The following ATP10B variants were observed in gnomAD, a reference collection of about 807,000 sequenced individuals.
ATP10B encodes the protein phospholipid-transporting ATPase VB.
In ATP10B, 122 loss-of-function variants were observed where a neutral mutation model predicts 141.2. That is an observed-to-expected ratio of 0.86 (90% CI 0.75 to 1.00). The LOEUF (loss-of-function observed/expected upper bound fraction) is 1.00. ATP10B is among the 50% of genes least tolerant of loss of function. The pLI, the probability that ATP10B is intolerant of heterozygous loss-of-function variation, is 0.00. For missense variants in ATP10B, 1,876 were observed against 1,825.3 expected, an observed-to-expected ratio of 1.03 and a Z score of -0.51; for synonymous variants, 685 against 692.0, an observed-to-expected ratio of 0.99 and a Z score of 0.16.
chr5:160,751,474 T>C (rs1242114332), intron 2 of ATP10B, among the ~76,000 whole-genome samples: 2 of 152,192 alleles, frequency 1.3e-5, no homozygotes, highest in Non-Finnish European at 2.9e-5. Context: ...TGGAAACTGA[T>C]AGCGGGCTAG....
chr5:160,849,575 T>A (rs1274860176), intron 1 of ATP10B, among the ~76,000 whole-genome samples: 2 of 151,794 alleles, frequency 1.3e-5, no homozygotes, highest in African/African-American at 4.8e-5. Flanking sequence ...CTAGCAATTA[T>A]TAAGTGCCTT....
At position 160,565,867 on chromosome 5, in the gene ATP10B, C is replaced by T; in HGVS notation, c.3972G>A (p.Gly1324=). 1 of 1,613,062 alleles carries T rather than the reference C, an allele frequency of 6.2e-7. No homozygotes were observed. The highest frequency in any genetic ancestry group is 8.5e-7 in the Non-Finnish European group (1 of 1,179,708). The change falls in exon 26 of 26, where the codon GGG becomes GGA. Residue 1324 remains glycine (G), a synonymous_variant. Transcript: ENST00000327245. The stretch of plus-strand genomic sequence containing the variant: ...TCTGAGCTTTTGAGATTAGAGACTT[C>T]CCACAAGTTCCTTGCAGAGACAGGA... The part of the protein sequence containing the change: ...YFFLSLQGTC[G]KSLISKAQKI...
intron 2 of ATP10B, among the ~76,000 whole-genome samples, chr5:160,731,218 C>A (rs17058174): frequency 0.012 from 1,834 of 152,186 alleles, 29 homozygotes; most frequent in African/African-American, 0.037. Context: ...CCTTGTTTGC[C>A]GTTTGTGAGT....
intron 7 of ATP10B, among the ~76,000 whole-genome samples, chr5:160,650,712 G>A (rs1760670850): frequency 6.6e-6 from 1 of 152,188 alleles, no homozygotes; most frequent in South Asian, 2.1e-4. Flanking sequence ...AATCACTTAT[G>A]TCTTCAGATG....
chr5:160,691,342 A>G (rs1293615343), intron 3 of ATP10B, among the ~76,000 whole-genome samples: 1 of 152,178 alleles, frequency 6.6e-6, no homozygotes. Flanking sequence ...TATATCCCAG[A>G]ACTTAAAGTA....
At chr5:160,572,767 T>TA (rs1240470713) in intron 24 of ATP10B, among the ~76,000 whole-genome samples, 2 of 152,208 alleles carry the variant, frequency 1.3e-5, no homozygotes, top group East Asian at 3.8e-4. Flanking sequence ...TTTTTAAAAG[T>TA]GTAATTAAAT....
chr5:160,586,652 T>G (rs1561628109), intron 24 of ATP10B, among the ~76,000 whole-genome samples: 1 of 152,260 alleles, frequency 6.6e-6, no homozygotes, highest in Non-Finnish European at 1.5e-5. Context: ...TCTTCACTTT[T>G]TAATAATCGT....
chr5:160,695,778 T>C (rs943769448), intron 3 of ATP10B, among the ~76,000 whole-genome samples: 1 of 152,164 alleles, frequency 6.6e-6, no homozygotes, highest in Non-Finnish European at 1.5e-5. Context: ...GATAAAATAA[T>C]ATAAAACCCT....
chr5:160,642,534 G>A (rs187342852), intron 9 of ATP10B, among the ~76,000 whole-genome samples: 1 of 152,196 alleles, frequency 6.6e-6, no homozygotes, highest in Admixed American at 6.5e-5. Flanking sequence ...CTTGGTGGGG[G>A]GTGCTAATGC....
At chr5:160,923,595 AGAG>A in the ATP10B span, among the ~76,000 whole-genome samples, 4 of 152,234 alleles carry the variant, frequency 2.6e-5, no homozygotes, top group Admixed American at 6.5e-5. Context: ...CAGACATTAA[AGAG>A]GATGATGTCC....
the ATP10B span, among the ~76,000 whole-genome samples, chr5:160,874,159 T>G: frequency 6.6e-6 from 1 of 152,072 alleles, no homozygotes; most frequent in East Asian, 1.9e-4. Flanking sequence ...AAGAGAGCAG[T>G]GGTTCTCCCA....
At chr5:160,856,029 T>C (rs1753989763), upstream of ATP10B, among the ~76,000 whole-genome samples, 1 of 151,924 alleles carries the variant, frequency 6.6e-6, no homozygotes, top group Admixed American at 6.6e-5. Flanking sequence ...CCACTTTATT[T>C]TTTTTCAAAA....
At position 160,649,264 on chromosome 5, in the gene ATP10B, A is replaced by T. The variant is rs1223559305; in HGVS notation, c.676-8T>A. ...TGGTTCGAACTGTACCTCCTGTGAG[A>T]GAGAGGACTCTGTGAGTTTATTAAT... On this transcript the variant is annotated splice_polypyrimidine_tract_variant and splice_region_variant and intron_variant, in intron 7 of 25. Transcript: ENST00000327245. 2 of 1,607,584 alleles carry T rather than the reference A, an allele frequency of 1.2e-6. No homozygotes were observed. Among genetic ancestry groups the T allele is most frequent in the Non-Finnish European group, 1.7e-6 (2 of 1,174,190 alleles).
At chr5:160,565,943 G>A (rs1434571562) in intron 25 of ATP10B, 43 bp from the exon 26 acceptor site, 2 of 1,527,218 alleles carry the variant, frequency 1.3e-6, no homozygotes, top group South Asian at 1.3e-5. Context: ...GATTTCCACT[G>A]ACTTCATAAA....
intron 1 of ATP10B, among the ~76,000 whole-genome samples, chr5:160,796,380 C>T (rs1385822788): frequency 6.6e-6 from 1 of 152,228 alleles, no homozygotes; most frequent in African/African-American, 2.4e-5. Flanking sequence ...AAAACATTAA[C>T]ATTGATAATA....
At chr5:160,846,657 AC>A (rs1207247087) in intron 1 of ATP10B, among the ~76,000 whole-genome samples, 1 of 152,202 alleles carries the variant, frequency 6.6e-6, no homozygotes, top group African/African-American at 2.4e-5. Flanking sequence ...CTTAGTAGGT[AC>A]CACCACAAAA....
chr5:160,766,645 A>C (rs1012459789), intron 2 of ATP10B, among the ~76,000 whole-genome samples: 5 of 152,128 alleles, frequency 3.3e-5, no homozygotes, highest in Admixed American at 1.3e-4. Flanking sequence ...TGCAGTGTAC[A>C]CTGCTCGGGT....
chr5:160,776,355 TGAG>T lies in ATP10B; in HGVS notation c.-331+9201_-331+9203del, dbSNP rs543900049. Among the ~76,000 whole-genome samples the T allele has an allele frequency of 1.1e-4, 17 of 152,316 alleles. No individual in the cohort carries two copies. In the South Asian group the frequency reaches 3.1e-3, roughly 28 times the overall value. On this transcript the variant is annotated intron_variant, in intron 2 of 25. Coordinates refer to ENST00000327245, the MANE Select transcript of ATP10B (RefSeq NM_025153.3). ...ATTCTGAGTTTGTACATTTATGAAA[TGAG>T]GAGAAACAATCTTTCAGGAACAGCT...
intron 2 of ATP10B, among the ~76,000 whole-genome samples, chr5:160,765,251 G>A (rs924849372): frequency 1.3e-5 from 2 of 151,938 alleles, no homozygotes; most frequent in South Asian, 4.2e-4. Context: ...ACAAAAAAAG[G>A]CCCACATAGT....
Sources: gnomAD v4.1 joint callset for allele counts (sites outside exome capture counted in the v4.1 genomes callset) on GRCh38, gnomAD v4.1.1 for gene constraint, MANE v1.5 for transcripts, NCBI Gene and HGNC (gene_info 2026-07-23, HGNC 2026-07-21) for gene names.